GMDS: variants seen among roughly 807,000 people sequenced by gnomAD.
GMDS encodes GDP-mannose 4,6-dehydratase.
In GMDS, 20 loss-of-function variants were observed where a neutral mutation model predicts 49.9. That is an observed-to-expected ratio of 0.40 (90% CI 0.28 to 0.58). GMDS has a LOEUF of 0.58. GMDS is among the 20% of genes least tolerant of loss of function. The pLI is 0.42. For missense variants in GMDS, 362 were observed against 481.4 expected, an observed-to-expected ratio of 0.75 and a Z score of 2.32; for synonymous variants, 177 against 178.6, an observed-to-expected ratio of 0.99 and a Z score of 0.07.
chr6:2,072,143 T>G (rs957547540), intron 4 of GMDS, among the ~76,000 whole-genome samples: 1 of 152,154 alleles, frequency 6.6e-6, no homozygotes, highest in East Asian at 1.9e-4. Context: ...ATGGATACAA[T>G]TTACATGCTT....
intron 4 of GMDS, among the ~76,000 whole-genome samples, chr6:1,963,421 T>C (rs1259578659): frequency 6.6e-6 from 1 of 152,200 alleles, no homozygotes; most frequent in African/African-American, 2.4e-5. Context: ...TTTTCTTTTG[T>C]TGTGTGTGCT....
At chr6:2,189,146 G>A (rs992654707) in intron 1 of GMDS, among the ~76,000 whole-genome samples, 7 of 152,152 alleles carry the variant, frequency 4.6e-5, no homozygotes, top group Non-Finnish European at 1.0e-4. Context: ...AAAGGGACAA[G>A]GATAGATAAG....
At chr6:2,112,045 G>A (rs1445431678) in intron 4 of GMDS, among the ~76,000 whole-genome samples, 3 of 152,130 alleles carry the variant, frequency 2.0e-5, no homozygotes, top group East Asian at 1.9e-4. Context: ...CCCCACGCCC[G>A]CTCTGGCCAT....
At chr6:2,152,904 G>C (rs73418788) in intron 1 of GMDS, among the ~76,000 whole-genome samples, 1 of 151,944 alleles carries the variant, frequency 6.6e-6, no homozygotes, top group Admixed American at 6.6e-5. Context: ...ATACATACAG[G>C]AATGTAGTAT....
intron 7 of GMDS, among the ~76,000 whole-genome samples, chr6:1,757,176 C>T (rs577149949): frequency 6.6e-6 from 1 of 152,202 alleles, no homozygotes; most frequent in African/African-American, 2.4e-5. Context: ...TCTTTAACAT[C>T]GTGCAGTGAC....
intron 9 of GMDS, among the ~76,000 whole-genome samples, chr6:1,639,236 A>G (rs1763254810): frequency 6.6e-6 from 1 of 152,212 alleles, no homozygotes; most frequent in South Asian, 2.1e-4. Flanking sequence ...GCAGAAACAG[A>G]TACTGGGTGA....
intron 7 of GMDS, among the ~76,000 whole-genome samples, chr6:1,780,080 C>T (rs922161535): frequency 7.9e-5 from 12 of 152,212 alleles, no homozygotes; most frequent in Admixed American, 2.0e-4. Context: ...GGGGAATGGA[C>T]GCCAAATCGA....
chr6:2,039,901 T>C (rs1253896144), intron 4 of GMDS, among the ~76,000 whole-genome samples: 1 of 152,200 alleles, frequency 6.6e-6, no homozygotes, highest in East Asian at 1.9e-4. Flanking sequence ...TCAAGTATTA[T>C]GTACAGTACA....
At chr6:1,978,962 A>G (rs752444878) in intron 4 of GMDS, among the ~76,000 whole-genome samples, 1 of 152,132 alleles carries the variant, frequency 6.6e-6, no homozygotes, top group Non-Finnish European at 1.5e-5. Context: ...AACTGAGGCA[A>G]CTAGGGTCTG....
rs555446716 is a variant in GMDS, at chr6:1,935,878, A to G, written c.644-5648T>C. 2.6e-5 allele frequency among the ~76,000 whole-genome samples: 4 copies of G among 152,312 alleles called. No homozygotes were observed. In the East Asian group the frequency reaches 7.7e-4, roughly 29 times the overall value. ...AGTATATGCTGGGTAAAATATTACT[A>G]TTCCTATTTTGTTAAATACAAAGCT... On this transcript the variant is annotated intron_variant, in intron 6 of 10. Coordinates refer to ENST00000380815, the MANE Select transcript of GMDS (RefSeq NM_001500.4).
At chr6:2,221,590 G>A (rs376420169) in intron 1 of GMDS, among the ~76,000 whole-genome samples, 5 of 152,078 alleles carry the variant, frequency 3.3e-5, no homozygotes, top group Non-Finnish European at 7.4e-5. Context: ...GGGTTTCACC[G>A]TGTTAGCTAG....
At chr6:1,681,305 C>T (rs1581450841) in intron 9 of GMDS, among the ~76,000 whole-genome samples, 1 of 152,290 alleles carries the variant, frequency 6.6e-6, no homozygotes, top group East Asian at 1.9e-4. Context: ...AAAGCTTCTG[C>T]TTGGCTGCCA....
At chr6:2,061,033 GAAA>G (rs1771122613) in intron 4 of GMDS, among the ~76,000 whole-genome samples, 1 of 145,770 alleles carries the variant, frequency 6.9e-6, no homozygotes, top group African/African-American at 2.8e-5. Flanking sequence ...AAAAAAAAAA[GAAA>G]GGGAAAGGGA....
chr6:1,869,866 A>C (rs1169974360), intron 7 of GMDS, among the ~76,000 whole-genome samples: 2 of 152,134 alleles, frequency 1.3e-5, no homozygotes, highest in Non-Finnish European at 2.9e-5. Context: ...AAGCAGGGAG[A>C]CTAATTTCTT....
At chr6:1,912,371 A>G (rs962124974) in intron 7 of GMDS, among the ~76,000 whole-genome samples, 7 of 152,202 alleles carry the variant, frequency 4.6e-5, no homozygotes, top group Non-Finnish European at 8.8e-5. Flanking sequence ...GTCTAAAAAA[A>G]ATTTTTTAAA....
chr6:2,129,453 CT>C (rs1775617100), intron 1 of GMDS, among the ~76,000 whole-genome samples: 1 of 152,178 alleles, frequency 6.6e-6, no homozygotes, highest in South Asian at 2.1e-4. Flanking sequence ...CTAAATCATA[CT>C]GTATGTTTCT....
intron 7 of GMDS, among the ~76,000 whole-genome samples, chr6:1,785,651 C>T (rs756376350): frequency 1.3e-5 from 2 of 152,216 alleles, no homozygotes; most frequent in Non-Finnish European, 2.9e-5. Flanking sequence ...TCAGCACCAG[C>T]CCTGTCTTCT....
chr6:2,203,935 CTTAA>C (rs1440074744), intron 1 of GMDS, among the ~76,000 whole-genome samples: 2 of 152,104 alleles, frequency 1.3e-5, no homozygotes, highest in Admixed American at 1.3e-4. Context: ...TAACGTTTTC[CTTAA>C]TTGAGGGTGG....
intron 5 of GMDS, among the ~76,000 whole-genome samples, chr6:1,960,426 A>C (rs980990077): frequency 6.6e-5 from 10 of 152,192 alleles, no homozygotes; most frequent in Non-Finnish European, 1.2e-4. Flanking sequence ...ATAAAAAAAA[A>C]CATGAAACCT....
Sources: allele counts gnomAD v4.1 joint callset (sites outside exome capture counted in the v4.1 genomes callset), GRCh38; gene constraint gnomAD v4.1.1; transcripts MANE v1.5; gene names NCBI Gene and HGNC (gene_info 2026-07-23, HGNC 2026-07-21).